MAL2: variants seen among roughly 807,000 people sequenced by gnomAD.
MAL2 encodes the protein protein MAL2.
Under a neutral mutation model 18.1 loss-of-function variants are expected in MAL2, and 17 were observed. The ratio of observed to expected loss-of-function variants is 0.94; its 90% CI spans 0.64 to 1.41. The LOEUF (loss-of-function observed/expected upper bound fraction) is 1.41. Among genes scored for constraint, MAL2 ranks in the 40% most tolerant of loss-of-function variants. The pLI is 0.00. For missense variants in MAL2, 222 were observed against 231.9 expected (o/e 0.96, Z 0.28); for synonymous variants, 102 against 102.3 (o/e 1.00, Z 0.02).
At position 119,244,062 on chromosome 8, in the gene MAL2, T is replaced by C. The variant is rs1818104163; in HGVS notation, c.*574T>C. 2 of 152,184 alleles carry C rather than the reference T, an allele frequency of 1.3e-5. No homozygotes were observed. The highest frequency in any genetic ancestry group is 4.1e-4 in the South Asian group (2 of 4,838). 9.4% of individuals were successfully genotyped at this position (152,184 alleles called of 1,614,324 possible). ...ATACAGAAATGAATGAGTGTGGTTA[T>C]GTTCTAATAAAACTTATTTATAAAA... is the stretch of plus-strand genomic sequence containing the variant. On this transcript the variant is annotated 3_prime_UTR_variant, in exon 4 of 4. Coordinates refer to ENST00000614891, the MANE Select transcript of MAL2 (RefSeq NM_052886.3).
chr8:119,234,136 G>A (rs2129880810), intron 2 of MAL2, among the ~76,000 whole-genome samples: 1 of 152,338 alleles, frequency 6.6e-6, no homozygotes, highest in Admixed American at 6.5e-5. Flanking sequence ...GCGAGGCATT[G>A]CCTCACTTGG....
chr8:119,211,790 T>C (rs147474621), intron 1 of MAL2, among the ~76,000 whole-genome samples: 83 of 151,682 alleles, frequency 5.5e-4, no homozygotes, highest in African/African-American at 1.8e-3. Flanking sequence ...TTAGCAATAC[T>C]TACCAATGTA....
At chr8:119,230,183 A>G (rs1039992049) in intron 2 of MAL2, among the ~76,000 whole-genome samples, 1 of 151,940 alleles carries the variant, frequency 6.6e-6, no homozygotes, top group Non-Finnish European at 1.5e-5. Context: ...AACTCCAGGA[A>G]CCTCCAGTGA....
intron 2 of MAL2, among the ~76,000 whole-genome samples, chr8:119,230,483 T>C (rs1162321669): frequency 6.6e-6 from 1 of 152,060 alleles, no homozygotes; most frequent in Non-Finnish European, 1.5e-5. Context: ...GTGGGCAGAA[T>C]CCTTTCTGGC....
At chr8:119,210,424 C>G (rs1007391) in intron 1 of MAL2, among the ~76,000 whole-genome samples, 1 of 151,568 alleles carries the variant, frequency 6.6e-6, no homozygotes, top group South Asian at 2.1e-4. Flanking sequence ...CCCATTATAT[C>G]TTTTTTAAAT....
chr8:119,230,311 T>A (rs1817690214), intron 2 of MAL2, among the ~76,000 whole-genome samples: 1 of 151,810 alleles, frequency 6.6e-6, no homozygotes. Context: ...GCGCGAGAAG[T>A]GTGTTGGGAA....
chr8:119,228,699 G>A (rs1817646967), intron 2 of MAL2, among the ~76,000 whole-genome samples: 1 of 151,992 alleles, frequency 6.6e-6, no homozygotes, highest in African/African-American at 2.4e-5. Flanking sequence ...TAAATCCTTG[G>A]GTATAGCTGG....
intron 2 of MAL2, among the ~76,000 whole-genome samples, chr8:119,228,257 A>G (rs904123242): frequency 6.6e-6 from 1 of 152,148 alleles, no homozygotes; most frequent in African/African-American, 2.4e-5. Context: ...GAGTAGCCAT[A>G]GCTTGTAGCT....
intron 1 of MAL2, among the ~76,000 whole-genome samples, chr8:119,216,924 G>A (rs1817365303): frequency 6.6e-6 from 1 of 152,200 alleles, no homozygotes; most frequent in African/African-American, 2.4e-5. Flanking sequence ...ATGTTTAAAA[G>A]CAGGTAATTA....
chr8:119,226,561 C>T (rs1817600115), intron 2 of MAL2, among the ~76,000 whole-genome samples: 1 of 151,872 alleles, frequency 6.6e-6, no homozygotes, highest in Non-Finnish European at 1.5e-5. Flanking sequence ...AAGGCAAACA[C>T]ATAGTGGGCA....
intron 2 of MAL2, among the ~76,000 whole-genome samples, chr8:119,230,012 C>T (rs900829377): frequency 2.0e-5 from 3 of 152,176 alleles, no homozygotes; most frequent in Admixed American, 6.5e-5. Flanking sequence ...GCTGACCCAC[C>T]TGATTTTTTG....
At chr8:119,216,809 A>T (rs930226733) in intron 1 of MAL2, among the ~76,000 whole-genome samples, 1 of 152,214 alleles carries the variant, frequency 6.6e-6, no homozygotes, top group Non-Finnish European at 1.5e-5. Context: ...CATTCCAAAC[A>T]TTAATTGAAA....
chr8:119,235,713 A>AC, intron 2 of MAL2, among the ~76,000 whole-genome samples: 1 of 150,648 alleles, frequency 6.6e-6, no homozygotes, highest in African/African-American at 2.5e-5. Context: ...AGTGAAGGAG[A>AC]AATAAAATAC....
At chr8:119,226,301 G>C (rs1400658091) in intron 2 of MAL2, among the ~76,000 whole-genome samples, 1 of 151,840 alleles carries the variant, frequency 6.6e-6, no homozygotes, top group African/African-American at 2.4e-5. Context: ...AATCCATCTT[G>C]AATTAATTTT....
intron 2 of MAL2, among the ~76,000 whole-genome samples, chr8:119,227,036 G>T (rs1817610966): frequency 6.6e-6 from 1 of 152,152 alleles, no homozygotes; most frequent in South Asian, 2.1e-4. Flanking sequence ...CCAGGGGTTG[G>T]GAATAGTTAC....
chr8:119,240,330 C>T lies in MAL2; in HGVS notation c.459+10C>T. On this transcript the variant is annotated intron_variant, in intron 3 of 3. Transcript: ENST00000614891. ...AAACGTAGCAGCCTCAGTAAGTATT[C>T]ATATTCAATGAGTACCATTCACCAG... is the stretch of plus-strand genomic sequence containing the variant. 6.2e-7 allele frequency: 1 copy of T among 1,612,346 alleles called. No individual in the cohort carries two copies. Among genetic ancestry groups the T allele is most frequent in the South Asian group, 1.1e-5 (1 of 90,896 alleles).
At position 119,208,780 on chromosome 8, in the gene MAL2, C is replaced by G. The variant is rs1817226111; in HGVS notation, c.132+176C>G. 2 of 1,029,828 alleles carry G rather than the reference C, an allele frequency of 1.9e-6. No individual in the cohort carries two copies. The highest frequency in any genetic ancestry group is 4.9e-5 in the South Asian group (1 of 20,430). The allele number at this position is 1,029,828 out of a possible 1,614,324, so 63.8% of individuals were successfully genotyped here. A position where few individuals can be genotyped will look rare whatever the true frequency, so the allele number is the denominator to read the frequency against. On this transcript the variant is annotated intron_variant, in intron 1 of 3. Coordinates refer to ENST00000614891, the MANE Select transcript of MAL2 (RefSeq NM_052886.3). The surrounding 1 kb of genome is among the most constrained non-coding windows in gnomAD (Gnocchi z 4.3). ...TGCCCCGCGCCGCCGCCCGGGCCCT[C>G]CCTCCTAGCACCTGTTACGCGGGCA...
intron 2 of MAL2, chr8:119,224,264 G>A (rs1258144535): frequency 6.6e-6 from 1 of 151,926 alleles, no homozygotes; most frequent in Non-Finnish European, 1.5e-5. Flanking sequence ...TTCTATTCTG[G>A]GAAAATAAGG....
At chr8:119,237,490 G>T (rs1163366682) in intron 2 of MAL2, among the ~76,000 whole-genome samples, 1 of 151,528 alleles carries the variant, frequency 6.6e-6, no homozygotes, top group African/African-American at 2.4e-5. Flanking sequence ...AACCAAAAAA[G>T]AGAATTTTAG....
Sources: gnomAD v4.1 joint callset for allele counts (sites outside exome capture counted in the v4.1 genomes callset) on GRCh38, gnomAD v4.1.1 for gene constraint, Gnocchi (gnomAD v3.1) non-coding constraint, MANE v1.5 for transcripts, NCBI Gene and HGNC (gene_info 2026-07-23, HGNC 2026-07-21) for gene names.